CCDC102B: variants seen among roughly 807,000 people sequenced by gnomAD.
CCDC102B encodes coiled-coil domain-containing protein 102B.
In CCDC102B, 75 loss-of-function variants were observed where a neutral mutation model predicts 57.4. That is an observed-to-expected ratio of 1.31 (90% CI 1.08 to 1.58). The LOEUF (loss-of-function observed/expected upper bound fraction) is 1.58, where lower values mean the gene tolerates loss of function less well. Ranked by LOEUF, CCDC102B falls within the 40% of genes most tolerant of loss-of-function variation. The pLI is 0.00. For synonymous variants in CCDC102B, 206 were observed against 201.9 expected, an observed-to-expected ratio of 1.02 and a Z score of -0.17; for missense variants, 636 against 582.6, an observed-to-expected ratio of 1.09 and a Z score of -0.94.
chr18:68,834,373 A>G (rs567428704), intron 1 of CCDC102B, among the ~76,000 whole-genome samples: 1 of 150,658 alleles, frequency 6.6e-6, no homozygotes, highest in Non-Finnish European at 1.5e-5. Flanking sequence ...ATTTCAACCA[A>G]AAGAAATATC....
intron 7 of CCDC102B, among the ~76,000 whole-genome samples, chr18:69,019,496 G>A (rs1012757548): frequency 6.6e-6 from 1 of 150,796 alleles, no homozygotes; most frequent in African/African-American, 2.5e-5. Context: ...TTGTGAGTGG[G>A]ATTGTTTTTT....
intron 5 of CCDC102B, among the ~76,000 whole-genome samples, chr18:68,879,945 C>T (rs915243470): frequency 5.3e-5 from 8 of 152,226 alleles, no homozygotes; most frequent in Admixed American, 2.0e-4. Flanking sequence ...CAGTGGATCC[C>T]GCACCAGGGC....
At chr18:68,771,568 A>G (rs1196618629) in intron 2 of CCDC102B, among the ~76,000 whole-genome samples, 1 of 152,186 alleles carries the variant, frequency 6.6e-6, no homozygotes, top group Non-Finnish European at 1.5e-5. Context: ...CTTATGAAAA[A>G]GGAAAGGATA....
intron 2 of CCDC102B, among the ~76,000 whole-genome samples, chr18:68,780,830 C>T (rs1466024000): frequency 1.3e-5 from 2 of 152,074 alleles, no homozygotes; most frequent in Admixed American, 6.6e-5. Context: ...ACTTTCCTAT[C>T]CTTCTGTCAT....
At position 68,838,942 on chromosome 18, in the gene CCDC102B, T is replaced by G. The variant is rs375280010; in HGVS notation, c.827+16T>G. ...AGGAAAGAGAGTAAGTGCTAATCAT[T>G]GTCTCCCTTAACCAAGTCTAAGTTT... On this transcript the variant is annotated intron_variant, in intron 3 of 7. Transcript: ENST00000360242. 25 of 1,594,252 alleles carry G rather than the reference T, an allele frequency of 1.6e-5. No homozygotes were observed. Among genetic ancestry groups the G allele is most frequent in the Non-Finnish European group, 2.1e-5 (25 of 1,162,818 alleles).
chr18:68,790,150 G>C (rs2035382693), intron 2 of CCDC102B, among the ~76,000 whole-genome samples: 1 of 150,648 alleles, frequency 6.6e-6, no homozygotes, highest in Admixed American at 6.6e-5. Flanking sequence ...TCAGGGGTCA[G>C]GGGTCAGGGA....
At position 68,809,695 on chromosome 18, in the gene CCDC102B, A is replaced by G. The variant is rs570954332; in HGVS notation, c.-16+11514A>G. ...CATTTACATTTATTGATTCACTGGTACATCTTCAATGCCTAGAATTTCACG... is the reference window on the plus strand; with the variant it reads ...CATTTACATTTATTGATTCACTGGTGCATCTTCAATGCCTAGAATTTCACG... On this transcript the variant is annotated intron_variant, in intron 1 of 7. Transcript: ENST00000360242. Among the ~76,000 whole-genome samples, 51 of 152,312 alleles carry G rather than the reference A, an allele frequency of 3.3e-4. No individual in the cohort carries two copies. The South Asian group carries it at 6.2e-3, about 19-fold the overall frequency.
intron 2 of CCDC102B, among the ~76,000 whole-genome samples, chr18:68,731,629 T>TATATA (rs751139219): frequency 2.6e-5 from 4 of 151,258 alleles, no homozygotes; most frequent in East Asian, 2.0e-4. Context: ...TATGTATACA[T>TATATA]ATATAATATA....
At chr18:68,769,712 A>G (rs1325654434) in intron 2 of CCDC102B, among the ~76,000 whole-genome samples, 2 of 152,182 alleles carry the variant, frequency 1.3e-5, no homozygotes, top group African/African-American at 4.8e-5. Flanking sequence ...CCAAAAAAAA[A>G]AGCAAGATCT....
chr18:68,850,065 T>C (rs1478463164), intron 4 of CCDC102B, among the ~76,000 whole-genome samples: 1 of 152,098 alleles, frequency 6.6e-6, no homozygotes, highest in African/African-American at 2.4e-5. Flanking sequence ...TGTATAGCAA[T>C]ACATAATTGC....
At chr18:68,759,624 C>G (rs987863016) in intron 2 of CCDC102B, among the ~76,000 whole-genome samples, 1 of 152,038 alleles carries the variant, frequency 6.6e-6, no homozygotes, top group Non-Finnish European at 1.5e-5. Flanking sequence ...AATTGTCAAT[C>G]AGGGGTTTGT....
At chr18:68,904,689 G>GCACA (rs144065830) in intron 6 of CCDC102B, among the ~76,000 whole-genome samples, 2 of 149,832 alleles carry the variant, frequency 1.3e-5, no homozygotes, top group South Asian at 2.1e-4. Context: ...TCAAATGCAT[G>GCACA]CACACACACA....
intron 7 of CCDC102B, among the ~76,000 whole-genome samples, chr18:69,025,674 G>T (rs59556874): frequency 6.6e-6 from 1 of 152,058 alleles, no homozygotes; most frequent in South Asian, 2.1e-4. Flanking sequence ...GAATAGCTCC[G>T]GAAAGGGAAA....
intron 3 of CCDC102B, among the ~76,000 whole-genome samples, chr18:68,840,486 CTA>C (rs1246586221): frequency 3.3e-5 from 5 of 152,060 alleles, no homozygotes; most frequent in Non-Finnish European, 7.4e-5. Flanking sequence ...ATACAAGTAT[CTA>C]TGTACAGAAT....
chr18:68,773,972 C>T (rs2034727830), intron 2 of CCDC102B, among the ~76,000 whole-genome samples: 1 of 151,744 alleles, frequency 6.6e-6, no homozygotes, highest in East Asian at 1.9e-4. Flanking sequence ...TCAATAGTAC[C>T]TATAATTTGT....
chr18:69,022,100 G>A (rs1212026134), intron 7 of CCDC102B, among the ~76,000 whole-genome samples: 1 of 151,812 alleles, frequency 6.6e-6, no homozygotes, highest in Non-Finnish European at 1.5e-5. Flanking sequence ...TTTTAAGGAC[G>A]GGTTATATGG....
At chr18:68,780,092 T>G (rs796989295) in intron 2 of CCDC102B, among the ~76,000 whole-genome samples, 6 of 152,294 alleles carry the variant, frequency 3.9e-5, no homozygotes, top group African/African-American at 1.4e-4. Flanking sequence ...ATTCTGCACA[T>G]TCTATATAAA....
intron 6 of CCDC102B, among the ~76,000 whole-genome samples, chr18:68,952,113 G>A (rs1220465052): frequency 6.6e-5 from 10 of 152,072 alleles, no homozygotes; most frequent in Middle Eastern, 3.4e-3. Flanking sequence ...ATGCACCAAT[G>A]GCCTATAAAA....
intron 2 of CCDC102B, among the ~76,000 whole-genome samples, chr18:68,726,784 A>G (rs984122900): frequency 2.0e-5 from 3 of 152,188 alleles, no homozygotes; most frequent in Non-Finnish European, 4.4e-5. Flanking sequence ...TGATGATTCT[A>G]TGATTATCTC....
Sources: gnomAD v4.1 joint callset for allele counts (sites outside exome capture counted in the v4.1 genomes callset) on GRCh38, gnomAD v4.1.1 for gene constraint, MANE v1.5 for transcripts, NCBI Gene and HGNC (gene_info 2026-07-23, HGNC 2026-07-21) for gene names.